Variants in ZDHHC17 observed in about 807,000 individuals in gnomAD.
The protein encoded by ZDHHC17 is palmitoyltransferase ZDHHC17.
Under a neutral mutation model 90.3 loss-of-function variants are expected in ZDHHC17, and 40 were observed. The observed-to-expected ratio is 0.44, with a 90% CI of 0.34 to 0.58. The LOEUF (loss-of-function observed/expected upper bound fraction) is 0.58, where lower values mean the gene tolerates loss of function less well. Ranked by LOEUF, ZDHHC17 falls within the 20% of genes least tolerant of loss-of-function variation. The pLI, the probability that ZDHHC17 is intolerant of heterozygous loss-of-function variation, is 0.01. For missense variants in ZDHHC17, 614 were observed against 780.8 expected, an observed-to-expected ratio of 0.79 and a Z score of 2.55; for synonymous variants, 235 against 252.4, an observed-to-expected ratio of 0.93 and a Z score of 0.65.
intron 2 of ZDHHC17, among the ~76,000 whole-genome samples, chr12:76,801,212 G>A (rs1322442320): frequency 2.6e-5 from 4 of 151,324 alleles, no homozygotes; most frequent in Middle Eastern, 3.4e-3. Context: ...ATGCCATATA[G>A]CTTTTTTTCC....
rs185663934 is a variant in ZDHHC17 at position 76,850,426 on chromosome 12, A to G, written c.1761-421A>G. Among the ~76,000 whole-genome samples the G allele has an allele frequency of 1.9e-4, 29 of 152,264 alleles. No individual in the cohort carries two copies. The Middle Eastern group carries it at 0.01, about 54-fold the overall frequency. ...CACTAATTAAAGGTTTTTATCAAAA[A>G]TTACATATGGAGCCAGGCATGTTGG... is the stretch of plus-strand genomic sequence containing the variant. On this transcript the variant is annotated intron_variant, in intron 16 of 16. Coordinates refer to ENST00000426126, the MANE Select transcript of ZDHHC17 (RefSeq NM_015336.4).
chr12:76,780,422 A>G (rs1287974366), intron 1 of ZDHHC17, among the ~76,000 whole-genome samples: 1 of 152,200 alleles, frequency 6.6e-6, no homozygotes, highest in African/African-American at 2.4e-5. Context: ...ACTTAACATC[A>G]TTAGTTTTTG....
rs551648875 is a variant in ZDHHC17 at position 76,830,756 on chromosome 12, A to G, written c.1141+2266A>G. On this transcript the variant is annotated intron_variant, in intron 10 of 16. Coordinates refer to ENST00000426126, the MANE Select transcript of ZDHHC17 (RefSeq NM_015336.4). ...AAAAAACTCAGAATCAGATCTCAAA[A>G]TGTTAAACTGTTTCTGTACTCCTAT... Among the ~76,000 whole-genome samples, 3 of 152,324 alleles carry G rather than the reference A, an allele frequency of 2.0e-5. No individual in the cohort carries two copies. In the South Asian group the frequency reaches 6.2e-4, roughly 32 times the overall value.
chr12:76,834,419 G>T (rs1953339932), intron 10 of ZDHHC17, among the ~76,000 whole-genome samples: 1 of 152,128 alleles, frequency 6.6e-6, no homozygotes, highest in Admixed American at 6.5e-5. Flanking sequence ...TATAAACTGT[G>T]CAGAATCTGG....
In ZDHHC17 at chr12:76,822,527, A is replaced by T; in HGVS notation, c.893A>T (p.Asp298Val). ...TCCTTCCTTAGAAAGCTGAAAGCTG[A>T]TAAGGTAAACTCATAACTGAAGATT... ...NPSFLRKLKA[D>V]KEFRQKVMLG... The change falls in exon 8 of 17, where the codon GAT becomes GTT. Residue 298 changes from aspartate (D) to valine (V), a missense_variant. By Grantham distance (152) the Asp-to-Val change is radical. This residue lies in a region of ZDHHC17 where 358 missense variants were observed against 380.4 expected (regional missense o/e 0.94). Transcript: ENST00000426126. 6.4e-7 allele frequency: 1 copy of T among 1,570,762 alleles called. No homozygotes were observed. Among genetic ancestry groups the T allele is most frequent in the Non-Finnish European group, 8.7e-7 (1 of 1,149,822 alleles).
chr12:76,810,409 A>G (rs996730363), intron 5 of ZDHHC17, among the ~76,000 whole-genome samples: 5 of 152,190 alleles, frequency 3.3e-5, no homozygotes, highest in Non-Finnish European at 7.4e-5. Context: ...TATTTTGTTA[A>G]AAGTAATGTC....
At chr12:76,785,312 A>T (rs1487913024) in intron 1 of ZDHHC17, among the ~76,000 whole-genome samples, 1 of 152,146 alleles carries the variant, frequency 6.6e-6, no homozygotes, top group African/African-American at 2.4e-5. Flanking sequence ...GATGGGGCTT[A>T]TGTTGAGAAG....
At chr12:76,764,519 C>G in intron 1 of ZDHHC17, 190 bp downstream of exon 1, 1 of 599,870 alleles carries the variant, frequency 1.7e-6, no homozygotes, top group South Asian at 2.0e-5. Flanking sequence ...GGGGCGGGCC[C>G]GACCGGGGCG....
At chr12:76,805,881 A>G (rs1952948498) in intron 3 of ZDHHC17, among the ~76,000 whole-genome samples, 1 of 152,238 alleles carries the variant, frequency 6.6e-6, no homozygotes, top group Admixed American at 6.5e-5. Context: ...TTGAAATGAT[A>G]ATAGGTAATA....
intron 5 of ZDHHC17, among the ~76,000 whole-genome samples, chr12:76,814,224 A>C (rs1953058142): frequency 6.6e-6 from 1 of 151,918 alleles, no homozygotes; most frequent in African/African-American, 2.4e-5. Context: ...ACTAGGAAAG[A>C]GTTTCGGTTT....
chr12:76,842,837 T>A lies in ZDHHC17; in HGVS notation c.1267-82T>A, dbSNP rs1314875193. 6.2e-6 allele frequency: 6 copies of A among 965,960 alleles called. No homozygotes were observed. The South Asian group carries it at 9.8e-5, about 16-fold the overall frequency. The allele number at this position is 965,960 out of a possible 1,614,324, so 59.8% of individuals were successfully genotyped here. A position where few individuals can be genotyped will look rare whatever the true frequency, so the allele number is the denominator to read the frequency against. Reference sequence around the variant, plus strand: ...ATCAGTAAATTAAAGATGAAAATCATGTTTATTGATTCATAGTGGTGGCAA... The same window carrying A: ...ATCAGTAAATTAAAGATGAAAATCAAGTTTATTGATTCATAGTGGTGGCAA... On this transcript the variant is annotated intron_variant, in intron 11 of 16. Transcript: ENST00000426126.
chr12:76,815,110 T>A, intron 5 of ZDHHC17, 36 bp from the exon 6 acceptor site: 1 of 1,491,124 alleles, frequency 6.7e-7, no homozygotes, highest in Non-Finnish European at 9.0e-7. Context: ...AACTTATAAT[T>A]TAACTGTCTG....
chr12:76,811,581 G>A (rs1230692739), intron 5 of ZDHHC17, among the ~76,000 whole-genome samples: 4 of 151,880 alleles, frequency 2.6e-5, no homozygotes, highest in Non-Finnish European at 5.9e-5. Flanking sequence ...GCATGATGAT[G>A]ATAATGATGA....
intron 1 of ZDHHC17, among the ~76,000 whole-genome samples, chr12:76,796,419 C>A (rs183969770): frequency 2.0e-5 from 3 of 151,908 alleles, no homozygotes; most frequent in Admixed American, 6.6e-5. Flanking sequence ...CTATATATAC[C>A]AAATTTTGTA....
At chr12:76,792,750 G>A (rs1047653539) in intron 1 of ZDHHC17, among the ~76,000 whole-genome samples, 4 of 152,066 alleles carry the variant, frequency 2.6e-5, no homozygotes, top group African/African-American at 9.6e-5. Flanking sequence ...ATCATTTTAT[G>A]TTCCCCTTAG....
At chr12:76,787,260 C>T (rs2137731641) in intron 1 of ZDHHC17, among the ~76,000 whole-genome samples, 1 of 152,124 alleles carries the variant, frequency 6.6e-6, no homozygotes, top group East Asian at 1.9e-4. Context: ...ATATTATCAT[C>T]AACTAGGAGA....
chr12:76,772,249 G>C (rs1952501170), intron 1 of ZDHHC17, among the ~76,000 whole-genome samples: 1 of 152,148 alleles, frequency 6.6e-6, no homozygotes, highest in African/African-American at 2.4e-5. Context: ...GCTAGCTGTG[G>C]TTACAAATGG....
intron 1 of ZDHHC17, among the ~76,000 whole-genome samples, chr12:76,788,529 T>C (rs1045727225): frequency 6.6e-6 from 1 of 152,090 alleles, no homozygotes; most frequent in East Asian, 1.9e-4. Context: ...TGGAAGTCTT[T>C]AGATCAGTAT....
intron 1 of ZDHHC17, among the ~76,000 whole-genome samples, chr12:76,770,926 C>CAAAA (rs34292734): frequency 3.9e-5 from 3 of 76,168 alleles, no homozygotes; most frequent in African/African-American, 9.9e-5. Flanking sequence ...AACTCCATCT[C>CAAAA]AAAAAAAAAA....
Sources: gnomAD v4.1 joint callset for allele counts (sites outside exome capture counted in the v4.1 genomes callset) on GRCh38, gnomAD v4.1.1 for gene constraint, gnomAD v4.1.1 regional missense constraint, MANE v1.5 for transcripts, NCBI Gene and HGNC (gene_info 2026-07-23, HGNC 2026-07-21) for gene names.